SLC25A26: variants seen among roughly 807,000 people sequenced by gnomAD.
SLC25A26 encodes the protein mitochondrial S-adenosylmethionine carrier protein.
SLC25A26 carries 36 observed loss-of-function variants against 37.8 expected under a neutral mutation model. The observed-to-expected ratio is 0.95, with a 90% CI of 0.73 to 1.26. SLC25A26 has a LOEUF of 1.26. SLC25A26 is among the 50% of genes most tolerant of loss of function. The probability of loss-of-function intolerance (pLI) is 0.00; values close to 1 mark genes in which losing one functional copy is unlikely to be tolerated. For synonymous variants in SLC25A26, 129 were observed against 122.5 expected, an observed-to-expected ratio of 1.05 and a Z score of -0.35; for missense variants, 390 against 331.1, an observed-to-expected ratio of 1.18 and a Z score of -1.38.
chr3:66,226,461 C>T (rs560017348), intron 1 of SLC25A26, among the ~76,000 whole-genome samples: 3 of 152,098 alleles, frequency 2.0e-5, no homozygotes, highest in African/African-American at 7.2e-5. Context: ...AGAGCCAAAC[C>T]ATTTCATGTG....
chr3:66,358,743 G>A (rs969388627), intron 6 of SLC25A26, among the ~76,000 whole-genome samples: 6 of 152,062 alleles, frequency 3.9e-5, no homozygotes, highest in Non-Finnish European at 5.9e-5. Context: ...CCTCCCATCC[G>A]GGCCTCCCAA....
chr3:66,134,295 GA>G (rs1190426969), intron 1 of SLC25A26, among the ~76,000 whole-genome samples: 1 of 152,180 alleles, frequency 6.6e-6, no homozygotes, highest in Non-Finnish European at 1.5e-5. Flanking sequence ...ATTAATTACT[GA>G]ACATAAAAGT....
At position 66,183,194 on chromosome 3, in the gene SLC25A26, C is replaced by T. The variant is rs936935263; in HGVS notation, c.-353-37548C>T. Among the ~76,000 whole-genome samples, 7 of 151,964 alleles carry T rather than the reference C, an allele frequency of 4.6e-5. No homozygotes were observed. In the South Asian group the frequency reaches 1.0e-3, roughly 23 times the overall value. On this transcript the variant is annotated intron_variant, in intron 1 of 10. Coordinates refer to the SLC25A26 transcript ENST00000676754. ...ACCCTGAACCTAATCCTTTCGCTGA[C>T]CCTGACCCTGATTTTGAGCCTCCTG...
chr3:66,163,320 C>A (rs553369464), intron 1 of SLC25A26, among the ~76,000 whole-genome samples: 1 of 152,272 alleles, frequency 6.6e-6, no homozygotes, highest in Admixed American at 6.5e-5. Flanking sequence ...AAGAGATAGA[C>A]GTGTTGCAGA....
chr3:66,229,321 A>C (rs782401168), intron 1 of SLC25A26, among the ~76,000 whole-genome samples: 1 of 152,184 alleles, frequency 6.6e-6, no homozygotes, highest in Non-Finnish European at 1.5e-5. Flanking sequence ...TAGAGAGGTT[A>C]GTTTCCCTAA....
At chr3:66,137,693 C>T (rs1402594824) in intron 1 of SLC25A26, among the ~76,000 whole-genome samples, 1 of 152,218 alleles carries the variant, frequency 6.6e-6, no homozygotes, top group Non-Finnish European at 1.5e-5. Context: ...TGACTGTGAG[C>T]TTCCTGAGGT....
At chr3:66,179,141 G>A (rs537418554) in intron 1 of SLC25A26, among the ~76,000 whole-genome samples, 13 of 152,220 alleles carry the variant, frequency 8.5e-5, no homozygotes, top group Admixed American at 3.9e-4. Context: ...TCTCTCTTAC[G>A]CGTTTTAAAG....
chr3:66,149,080 C>T (rs1001333843), intron 1 of SLC25A26, among the ~76,000 whole-genome samples: 2 of 152,118 alleles, frequency 1.3e-5, no homozygotes, highest in African/African-American at 4.8e-5. Flanking sequence ...GTGACTCAGG[C>T]TGGATAAACA....
intron 1 of SLC25A26, among the ~76,000 whole-genome samples, chr3:66,141,943 T>C (rs1459172289): frequency 6.6e-6 from 1 of 152,216 alleles, no homozygotes; most frequent in Non-Finnish European, 1.5e-5. Flanking sequence ...CAATATGTAG[T>C]TCAACAAATA....
intron 5 of SLC25A26, among the ~76,000 whole-genome samples, chr3:66,334,194 T>C (rs561383887): frequency 6.6e-6 from 1 of 152,344 alleles, no homozygotes; most frequent in South Asian, 2.1e-4. Context: ...CTTCCCTGTC[T>C]GTTGCAGTGT....
intron 1 of SLC25A26, among the ~76,000 whole-genome samples, chr3:66,179,308 T>C (rs1055026299): frequency 1.3e-5 from 2 of 152,194 alleles, no homozygotes; most frequent in Admixed American, 1.3e-4. Flanking sequence ...TCTCCAGATG[T>C]TTTTTCTAAT....
At chr3:66,201,947 G>C (rs1421758443) in intron 1 of SLC25A26, among the ~76,000 whole-genome samples, 1 of 152,052 alleles carries the variant, frequency 6.6e-6, no homozygotes, top group Non-Finnish European at 1.5e-5. Context: ...AGAAGTAAAT[G>C]AAAACTGCTA....
At chr3:66,227,795 G>C (rs2071826172) in intron 1 of SLC25A26, among the ~76,000 whole-genome samples, 1 of 152,144 alleles carries the variant, frequency 6.6e-6, no homozygotes, top group South Asian at 2.1e-4. Context: ...ACAGGCAGTA[G>C]GATACTTGAG....
intron 6 of SLC25A26, among the ~76,000 whole-genome samples, chr3:66,359,384 A>AT (rs1466601534): frequency 6.6e-6 from 1 of 152,326 alleles, no homozygotes; most frequent in East Asian, 1.9e-4. Flanking sequence ...TAGTTGTTGA[A>AT]TTTATGACTT....
chr3:66,234,094 A>T (rs140309143), intron 1 of SLC25A26, among the ~76,000 whole-genome samples: 8,554 of 37,798 alleles, frequency 0.23, 276 homozygotes, highest in African/African-American at 0.3. Flanking sequence ...CTACCAAATT[A>T]TTATTAGAGA....
At position 66,257,721 on chromosome 3, in the gene SLC25A26, C is replaced by G. The variant is rs567842027; in HGVS notation, c.301-4330C>G. Among the ~76,000 whole-genome samples the G allele has an allele frequency of 5.3e-5, 8 of 152,318 alleles. No homozygotes were observed. The East Asian group carries it at 1.5e-3, about 29-fold the overall frequency. On this transcript the variant is annotated intron_variant, in intron 3 of 9. Coordinates refer to ENST00000354883, the MANE Select transcript of SLC25A26 (RefSeq NM_001379210.1). ...AAATATTGACTGTGTTAAAACCACACTATTCCTTGACCCTGTGGCCCTCTT... is the reference window on the plus strand; with the variant it reads ...AAATATTGACTGTGTTAAAACCACAGTATTCCTTGACCCTGTGGCCCTCTT...
At chr3:66,196,147 G>GTT (rs1383051275) in intron 1 of SLC25A26, among the ~76,000 whole-genome samples, 4 of 151,708 alleles carry the variant, frequency 2.6e-5, no homozygotes, top group East Asian at 1.9e-4. Flanking sequence ...TAATCAGTCT[G>GTT]TTTTTTTTCT....
intron 6 of SLC25A26, among the ~76,000 whole-genome samples, chr3:66,354,410 A>C (rs887808524): frequency 6.6e-6 from 1 of 152,214 alleles, no homozygotes; most frequent in Non-Finnish European, 1.5e-5. Context: ...TTGTCATAGA[A>C]ATCAGGGACC....
At chr3:66,154,715 C>T (rs1162600753) in intron 1 of SLC25A26, among the ~76,000 whole-genome samples, 7 of 152,030 alleles carry the variant, frequency 4.6e-5, no homozygotes, top group African/African-American at 1.7e-4. Context: ...ACTGCTGGCT[C>T]AAGCGATCCA....
Sources: gnomAD v4.1 joint callset for allele counts (sites outside exome capture counted in the v4.1 genomes callset) on GRCh38, gnomAD v4.1.1 for gene constraint, MANE v1.5 for transcripts, NCBI Gene and HGNC (gene_info 2026-07-23, HGNC 2026-07-21) for gene names.